NLK: variants seen among roughly 807,000 people sequenced by gnomAD.
NLK encodes serine/threonine-protein kinase NLK.
Under a neutral mutation model 59.0 loss-of-function variants are expected in NLK, and 11 were observed. The observed-to-expected ratio is 0.19, with a 90% CI of 0.12 to 0.31. The LOEUF is 0.31. Ranked by LOEUF, NLK falls within the 10% of genes least tolerant of loss-of-function variation. The pLI, the probability that NLK is intolerant of heterozygous loss-of-function variation, is 1.00. For synonymous variants in NLK, 235 were observed against 235.9 expected (o/e 1.00, Z 0.03); for missense variants, 410 against 661.1 (o/e 0.62, Z 4.16).
At chr17:28,063,171 C>G (rs1038730736) in intron 1 of NLK, among the ~76,000 whole-genome samples, 30 of 152,250 alleles carry the variant, frequency 2.0e-4, no homozygotes, top group African/African-American at 6.3e-4. Flanking sequence ...GGATCAAGCT[C>G]TCCGCCCACT....
At chr17:28,077,882 GAAAGAGTAATTCTT>G (rs1254913484) in intron 1 of NLK, among the ~76,000 whole-genome samples, 3 of 152,090 alleles carry the variant, frequency 2.0e-5, no homozygotes, top group Non-Finnish European at 4.4e-5. Flanking sequence ...AAGTTTCGAA[GAAAGAGTAATTCTT>G]TTTAACAAAT....
chr17:28,119,391 T>G (rs1440915255), intron 1 of NLK, among the ~76,000 whole-genome samples: 4 of 152,196 alleles, frequency 2.6e-5, no homozygotes, highest in African/African-American at 9.7e-5. Flanking sequence ...TTACAAGACA[T>G]AGTACTCACC....
At chr17:28,119,966 C>A (rs1471413934) in intron 1 of NLK, among the ~76,000 whole-genome samples, 3 of 152,170 alleles carry the variant, frequency 2.0e-5, no homozygotes, top group African/African-American at 4.8e-5. Flanking sequence ...GTATATTTCA[C>A]AAATGGCAGT....
chr17:28,093,334 G>T (rs751210267), intron 1 of NLK, among the ~76,000 whole-genome samples: 3 of 152,148 alleles, frequency 2.0e-5, no homozygotes, highest in Non-Finnish European at 4.4e-5. Context: ...AAAATTGAAT[G>T]CTCCTAAAGT....
chr17:28,114,289 G>A (rs1905659142), intron 1 of NLK, among the ~76,000 whole-genome samples: 1 of 152,106 alleles, frequency 6.6e-6, no homozygotes, highest in South Asian at 2.1e-4. Context: ...GTCATAGTGT[G>A]TATATATTTT....
chr17:28,147,301 A>T (rs1380407238), intron 3 of NLK, among the ~76,000 whole-genome samples: 1 of 152,146 alleles, frequency 6.6e-6, no homozygotes, highest in South Asian at 2.1e-4. Flanking sequence ...GTACTCAATC[A>T]TCTTATTTAT....
At chr17:28,043,837 T>C (rs921217765) in intron 1 of NLK, among the ~76,000 whole-genome samples, 1 of 152,252 alleles carries the variant, frequency 6.6e-6, no homozygotes, top group African/African-American at 2.4e-5. Flanking sequence ...GGATTCATAG[T>C]TGAACCAGTT....
chr17:28,161,507 G>C (rs1229064626), intron 4 of NLK, among the ~76,000 whole-genome samples: 1 of 152,240 alleles, frequency 6.6e-6, no homozygotes, highest in Non-Finnish European at 1.5e-5. Flanking sequence ...TTAGGCAGTT[G>C]AGTGGGCTAA....
intron 3 of NLK, among the ~76,000 whole-genome samples, chr17:28,133,569 G>A (rs1906610313): frequency 1.3e-5 from 2 of 152,228 alleles, no homozygotes; most frequent in South Asian, 4.2e-4. Flanking sequence ...TCCTGGGACT[G>A]TGCATGAAAA....
chr17:28,204,130 AGTAG>A, the NLK span, among the ~76,000 whole-genome samples: 1 of 152,216 alleles, frequency 6.6e-6, no homozygotes, highest in African/African-American at 2.4e-5. Context: ...AATTATATGA[AGTAG>A]GTATTTCTTA....
chr17:28,111,294 C>T (rs911690738), intron 1 of NLK, among the ~76,000 whole-genome samples: 1 of 152,056 alleles, frequency 6.6e-6, no homozygotes, highest in South Asian at 2.1e-4. Context: ...TCAAGTGATT[C>T]TCCTGCCTCA....
At chr17:28,050,748 A>G (rs1161907454) in intron 1 of NLK, among the ~76,000 whole-genome samples, 2 of 152,236 alleles carry the variant, frequency 1.3e-5, no homozygotes, top group South Asian at 2.1e-4. Context: ...GTTCACAATG[A>G]TTGACAATCT....
intron 1 of NLK, among the ~76,000 whole-genome samples, chr17:28,104,191 A>G (rs1213192079): frequency 2.0e-5 from 3 of 152,152 alleles, no homozygotes; most frequent in African/African-American, 7.2e-5. Context: ...ATTGCTATAT[A>G]TAAACAATCA....
intron 3 of NLK, among the ~76,000 whole-genome samples, chr17:28,157,840 T>C (rs1907840505): frequency 6.6e-6 from 1 of 152,082 alleles, no homozygotes; most frequent in South Asian, 2.1e-4. Flanking sequence ...GAAAATTAGA[T>C]GAGATTATCT....
chr17:28,157,908 A>C (rs1400058279), intron 3 of NLK, among the ~76,000 whole-genome samples: 1 of 152,226 alleles, frequency 6.6e-6, no homozygotes, highest in African/African-American at 2.4e-5. Flanking sequence ...ACATTCATTC[A>C]TCAAATATTT....
intron 1 of NLK, among the ~76,000 whole-genome samples, chr17:28,087,003 A>G (rs562169638): frequency 2.9e-4 from 44 of 151,922 alleles, no homozygotes; most frequent in African/African-American, 8.9e-4. Flanking sequence ...AGCTAAGATC[A>G]CATCACTGCA....
chr17:28,046,786 C>CTG (rs1909071226), intron 1 of NLK, among the ~76,000 whole-genome samples: 1 of 152,110 alleles, frequency 6.6e-6, no homozygotes, highest in African/African-American at 2.4e-5. Context: ...GGCAACTTAA[C>CTG]ATATCAGAGA....
chr17:28,201,022 C>T (rs114154732), downstream of NLK, among the ~76,000 whole-genome samples: 797 of 152,312 alleles, frequency 5.2e-3, 13 homozygotes, highest in African/African-American at 0.018. Flanking sequence ...GGGTCTATTA[C>T]TGTACTTTCT....
intron 1 of NLK, among the ~76,000 whole-genome samples, chr17:28,090,041 A>G (rs1904431336): frequency 6.6e-6 from 1 of 152,122 alleles, no homozygotes; most frequent in Non-Finnish European, 1.5e-5. Flanking sequence ...TCTAATTTTA[A>G]TGACTTCCAG....
Sources: allele counts gnomAD v4.1 joint callset (sites outside exome capture counted in the v4.1 genomes callset), GRCh38; gene constraint gnomAD v4.1.1; transcripts MANE v1.5; gene names NCBI Gene and HGNC (gene_info 2026-07-23, HGNC 2026-07-21).